The following ATXN10 variants were observed in gnomAD, a reference collection of about 807,000 sequenced individuals.
ATXN10 encodes the protein ataxin 10.
ATXN10 carries 28 observed loss-of-function variants against 52.9 expected under a neutral mutation model. The ratio of observed to expected loss-of-function variants is 0.53; its 90% confidence interval spans 0.39 to 0.73. The LOEUF is 0.73. Among genes scored for constraint, ATXN10 ranks in the 30% least tolerant of loss-of-function variants. The pLI is 0.00. For missense variants in ATXN10, 565 were observed against 577.0 expected (o/e 0.98, Z 0.21); for synonymous variants, 226 against 221.5 (o/e 1.02, Z -0.18).
In ATXN10 at chr22:45,843,263, T is replaced by A; in HGVS notation, c.1425+85T>A. 2 of 1,422,300 alleles carry A rather than the reference T, an allele frequency of 1.4e-6. No homozygotes were observed. Among genetic ancestry groups the A allele is most frequent in the Non-Finnish European group, 2.0e-6 (2 of 1,012,804 alleles). The allele number at this position is 1,422,300 out of a possible 1,614,324, so 88.1% of individuals were successfully genotyped here. A position where few individuals can be genotyped will look rare whatever the true frequency, so the allele number is the denominator to read the frequency against. ...CCCATTGCTTCAAGCACGAGGCTCT[T>A]TGTAAGAATATGGATGGGAGAATTG... On this transcript the variant is annotated intron_variant, in intron 11 of 11. Transcript: ENST00000252934. This position sits in a 1 kb window ranked among gnomAD's most constrained non-coding sequence, Gnocchi z 4.5.
chr22:45,733,780 T>TGA lies in ATXN10; in HGVS notation c.894+4190_894+4191insGA, dbSNP rs922639205. On this transcript the variant is annotated intron_variant, in intron 7 of 11. Coordinates refer to ENST00000252934, the MANE Select transcript of ATXN10 (RefSeq NM_013236.4). This position sits in a 1 kb window ranked among gnomAD's most constrained non-coding sequence, Gnocchi z 4.4. ...TTAAAAAAAAAAAAAAGTTACAAAG[T>TGA]TTTCCCCTTTTTGCCCAGCCTCCAT... is the stretch of plus-strand genomic sequence containing the variant. Among the ~76,000 whole-genome samples the TGA allele has an allele frequency of 2.6e-5, 4 of 151,686 alleles. No homozygotes were observed. Among genetic ancestry groups the TGA allele is most frequent in the African/African-American group, 9.7e-5 (4 of 41,346 alleles).
chr22:45,843,448 AG>A lies in ATXN10; in HGVS notation c.1426-220del, dbSNP rs757385404. ...TATCAAAAGTTATACATGGTCTAAAAGTAAGTTACTCATAGGAATTAGATTT... is the reference window on the plus strand; with the variant it reads ...TATCAAAAGTTATACATGGTCTAAAATAAGTTACTCATAGGAATTAGATTT... On this transcript the variant is annotated intron_variant, in intron 11 of 11. Coordinates refer to ENST00000252934, the MANE Select transcript of ATXN10 (RefSeq NM_013236.4). The surrounding 1 kb of genome is among the most constrained non-coding windows in gnomAD (Gnocchi z 4.5). 2.6e-5 allele frequency among the ~76,000 whole-genome samples: 4 copies of A among 152,256 alleles called. No homozygotes were observed. The highest frequency in any genetic ancestry group is 4.4e-5 in the Non-Finnish European group (3 of 68,044).
At chr22:45,839,671 G>T (rs1385174517) in intron 10 of ATXN10, among the ~76,000 whole-genome samples, 1 of 152,210 alleles carries the variant, frequency 6.6e-6, no homozygotes, top group East Asian at 1.9e-4. Flanking sequence ...TGATAGAAAT[G>T]TTGCCCTCCA....
intron 9 of ATXN10, among the ~76,000 whole-genome samples, chr22:45,749,661 A>C (rs1045742322): frequency 2.6e-5 from 4 of 151,306 alleles, no homozygotes; most frequent in Non-Finnish European, 5.9e-5. Flanking sequence ...TCATGGGCTC[A>C]GGCAGTTCTC....
chr22:45,736,150 G>C (rs1270031874), intron 7 of ATXN10, among the ~76,000 whole-genome samples: 1 of 151,938 alleles, frequency 6.6e-6, no homozygotes, highest in Non-Finnish European at 1.5e-5. Context: ...ATTTTAACGT[G>C]GAAAATTTCA....
At position 45,696,501 on chromosome 22, in the gene ATXN10, G is replaced by A. The variant is rs1485621772; in HGVS notation, c.391+3423G>A. 6.6e-6 allele frequency among the ~76,000 whole-genome samples: 1 copy of A among 152,214 alleles called. No homozygotes were observed. The highest frequency in any genetic ancestry group is 2.4e-5 in the African/African-American group (1 of 41,460). On this transcript the variant is annotated intron_variant, in intron 3 of 11. Coordinates refer to ENST00000252934, the MANE Select transcript of ATXN10 (RefSeq NM_013236.4). The surrounding 1 kb of genome is among the most constrained non-coding windows in gnomAD (Gnocchi z 4.7). Reference sequence around the variant, plus strand: ...GTGATTAAATAACTATTAGAATGGAGCCAGCCCCTCCACCATGTGCTGGAT... The same window carrying A: ...GTGATTAAATAACTATTAGAATGGAACCAGCCCCTCCACCATGTGCTGGAT...
rs114102523 is a variant in ATXN10, at chr22:45,791,345, A to G, written c.1174-15614A>G. 7.0e-3 allele frequency among the ~76,000 whole-genome samples: 1,072 copies of G among 152,244 alleles called. 12 individuals are homozygous for G. Among genetic ancestry groups the G allele is most frequent in the African/African-American group, 0.025 (1,036 of 41,542 alleles). On this transcript the variant is annotated intron_variant, in intron 9 of 11. Transcript: ENST00000252934. Reference sequence around the variant, plus strand: ...AGTATTTTATTGAATTTATTTTTCTATATCAGTGCCAGGAGACAGTATCCT... The same window carrying G: ...AGTATTTTATTGAATTTATTTTTCTGTATCAGTGCCAGGAGACAGTATCCT...
chr22:45,697,734 C>T (rs1416727694), intron 3 of ATXN10, among the ~76,000 whole-genome samples: 2 of 152,058 alleles, frequency 1.3e-5, no homozygotes, highest in Non-Finnish European at 2.9e-5. Flanking sequence ...GGGTTCACGC[C>T]ATTCTCCTGC....
At chr22:45,680,064 A>T (rs532466683) in intron 1 of ATXN10, 1 of 152,322 alleles carries the variant, frequency 6.6e-6, no homozygotes, top group East Asian at 1.9e-4. Flanking sequence ...GGGCAATGAC[A>T]CTCAAAAGCA....
At chr22:45,817,318 CTTTTT>C (rs11326332) in intron 10 of ATXN10, among the ~76,000 whole-genome samples, 1 of 98,708 alleles carries the variant, frequency 1.0e-5, no homozygotes, top group Non-Finnish European at 2.0e-5. Context: ...ATTGATTTAA[CTTTTT>C]TTTTTTTTTT....
intron 1 of ATXN10, among the ~76,000 whole-genome samples, chr22:45,689,203 A>G (rs1469196353): frequency 2.0e-5 from 3 of 152,216 alleles, no homozygotes; most frequent in African/African-American, 4.8e-5. Context: ...CTTATAACTG[A>G]ACTTAGCTAC....
chr22:45,675,354 A>T (rs1319389299), intron 1 of ATXN10: 1 of 152,222 alleles, frequency 6.6e-6, no homozygotes, highest in East Asian at 1.9e-4. Flanking sequence ...TGACCTTCTC[A>T]AGAGGAGGAG....
In ATXN10 at chr22:45,806,960, T is replaced by C. The variant is rs2146884627; in HGVS notation, c.1175T>C (p.Val392Ala). ...TAAACTTATCTTCTTTCTCTCTAGG[T>C]AAATGAGCTGGATGGTATCCCGTTG... The part of the protein sequence containing the change: ...CYKNKDNQDK[V>A]NELDGIPLIL... The change falls in exon 10 of 12, where the codon GTA (valine) becomes GCA (alanine). Residue 392 changes from valine to alanine, a missense_variant and splice_region_variant. Coordinates refer to ENST00000252934, the MANE Select transcript of ATXN10 (RefSeq NM_013236.4). The C allele has an allele frequency of 1.2e-6, 2 of 1,612,968 alleles. No homozygotes were observed. The highest frequency in any genetic ancestry group is 1.7e-6 in the Non-Finnish European group (2 of 1,178,910).
chr22:45,799,379 T>G (rs1208977992), intron 9 of ATXN10, among the ~76,000 whole-genome samples: 1 of 152,164 alleles, frequency 6.6e-6, no homozygotes, highest in Non-Finnish European at 1.5e-5. Context: ...CAACGTGACC[T>G]TATTTGGAAA....
At chr22:45,738,523 C>A (rs971856464) in intron 7 of ATXN10, 2 of 535,080 alleles carry the variant, frequency 3.7e-6, no homozygotes, top group African/African-American at 3.8e-5. Flanking sequence ...TTCTTGATGG[C>A]AGATGTCTGC....
rs1043851714 is a variant in ATXN10 at position 45,718,372 on chromosome 22, A to G, written c.648-41A>G. The G allele has an allele frequency of 9.6e-6, 14 of 1,465,096 alleles. No individual in the cohort carries two copies. Among genetic ancestry groups the G allele is most frequent in the African/African-American group, 2.8e-5 (2 of 71,906 alleles). The allele number at this position is 1,465,096 out of a possible 1,614,324, so 90.8% of individuals were successfully genotyped here. ...TAGATAAGGGCATGTCTCTTTTACTATGTTTCAAGTAACCAAACTTTCCTC... is the reference window on the plus strand; with the variant it reads ...TAGATAAGGGCATGTCTCTTTTACTGTGTTTCAAGTAACCAAACTTTCCTC... On this transcript the variant is annotated intron_variant, in intron 5 of 11. Coordinates refer to ENST00000252934, the MANE Select transcript of ATXN10 (RefSeq NM_013236.4). This position sits in a 1 kb window ranked among gnomAD's most constrained non-coding sequence, Gnocchi z 4.4.
Position 45,842,843 on chromosome 22 carries a change from A to G in ATXN10, c.1238-148A>G. On this transcript the variant is annotated intron_variant, in intron 10 of 11. Transcript: ENST00000252934. This position sits in a 1 kb window ranked among gnomAD's most constrained non-coding sequence, Gnocchi z 4.8. The stretch of plus-strand genomic sequence containing the variant: ...TTTAATGTGTTTGCACTTGAGATGC[A>G]TATTCAGAGAATGCATCCTCAAGAA... 1 of 837,652 alleles carries G rather than the reference A, an allele frequency of 1.2e-6. No individual in the cohort carries two copies. The highest frequency in any genetic ancestry group is 1.7e-5 in the African/African-American group (1 of 60,058). 51.9% of individuals were successfully genotyped at this position (837,652 alleles called of 1,614,324 possible). A position where few individuals can be genotyped will look rare whatever the true frequency, so the allele number is the denominator to read the frequency against.
In ATXN10 at chr22:45,780,235, C is replaced by G. The variant is rs1389159362; in HGVS notation, c.1174-26724C>G. Among the ~76,000 whole-genome samples, 2 of 152,316 alleles carry G rather than the reference C, an allele frequency of 1.3e-5. No individual in the cohort carries two copies. Among genetic ancestry groups the G allele is most frequent in the Non-Finnish European group, 2.9e-5 (2 of 68,022 alleles). ...AGTAGCTGGGATTACAGGCGTGTGC[C>G]ACCACGCCCAGCTAATTTTTGTATT... On this transcript the variant is annotated intron_variant, in intron 9 of 11. Coordinates refer to ENST00000252934, the MANE Select transcript of ATXN10 (RefSeq NM_013236.4). This position sits in a 1 kb window ranked among gnomAD's most constrained non-coding sequence, Gnocchi z 4.0.
In ATXN10 at chr22:45,766,091, G is replaced by A. The variant is rs890164684; in HGVS notation, c.1173+25553G>A. 6.6e-6 allele frequency among the ~76,000 whole-genome samples: 1 copy of A among 152,218 alleles called. No homozygotes were observed. The highest frequency in any genetic ancestry group is 1.5e-5 in the Non-Finnish European group (1 of 68,040). Reference sequence around the variant, plus strand: ...ATTCAAATGTTTTTGGAAATGTAGTGTATGATAAAGCTGGCATCTCAGATC... The same window carrying A: ...ATTCAAATGTTTTTGGAAATGTAGTATATGATAAAGCTGGCATCTCAGATC... On this transcript the variant is annotated intron_variant, in intron 9 of 11. Transcript: ENST00000252934. The surrounding 1 kb of genome is among the most constrained non-coding windows in gnomAD (Gnocchi z 4.6).
Sources: gnomAD v4.1 joint callset for allele counts (sites outside exome capture counted in the v4.1 genomes callset) on GRCh38, gnomAD v4.1.1 for gene constraint, Gnocchi (gnomAD v3.1) non-coding constraint, MANE v1.5 for transcripts, NCBI Gene and HGNC (gene_info 2026-07-23, HGNC 2026-07-21) for gene names.